The following GPR101 variants were observed in gnomAD, a reference collection of about 807,000 sequenced individuals.
GPR101 encodes the protein probable G protein-coupled receptor 101.
Under a neutral mutation model 16.4 loss-of-function variants are expected in GPR101, and 8 were observed. That is an observed-to-expected ratio of 0.49 (90% CI 0.29 to 0.88). The LOEUF (loss-of-function observed/expected upper bound fraction) is 0.88, where lower values mean the gene tolerates loss of function less well. Ranked by LOEUF, GPR101 falls within the 40% of genes least tolerant of loss-of-function variation. GPR101 has a pLI of 0.09. For missense variants in GPR101, 375 were observed against 411.7 expected (o/e 0.91, Z 0.77); for synonymous variants, 155 against 168.7 (o/e 0.92, Z 0.63).
intron 1 of GPR101, among the ~76,000 whole-genome samples, chrX:137,033,217 C>T (rs1305710282): frequency 9.1e-6 from 1 of 110,035 alleles, no homozygotes; most frequent in Non-Finnish European, 1.9e-5. Context: ...TTTGCTTTCT[C>T]CGGATCTGCT....
rs932763998 is a variant in GPR101 at position 137,024,740 on chromosome X, C to T, written c.*5408G>A. 9.0e-6 allele frequency among the ~76,000 whole-genome samples: 1 copy of T among 110,823 alleles called. No individual in the cohort carries two copies. Among genetic ancestry groups the T allele is most frequent in the Non-Finnish European group, 1.9e-5 (1 of 52,968 alleles). On this transcript the variant is annotated 3_prime_UTR_variant, in exon 2 of 2. Coordinates refer to ENST00000651716, the MANE Select transcript of GPR101 (RefSeq NM_054021.2). ...TCTATCTTGTCTCTCAGACAACCAA[C>T]CAAAGGGGGAAAAACAGAGCAGCCT... is the stretch of plus-strand genomic sequence containing the variant.
chrX:137,031,584 C>G lies in GPR101; in HGVS notation c.91G>C (p.Gly31Arg). The stretch of plus-strand genomic sequence containing the variant: ...ACCAGCACGGTTGAGCGGATGATGC[C>G]GTGGGCCAGGCTGATGGGCATTTTG... ...LSKMPISLAHGIIRSTVLVIF... is the reference protein window; with the variant it reads ...LSKMPISLAHRIIRSTVLVIF... Residue 31 changes from glycine (G) to arginine (R), a missense_variant, in exon 2 of 2, where the codon GGC becomes CGC. Physicochemically the swap from Gly to Arg is moderately radical, Grantham distance 125 (BLOSUM62 -2). Transcript: ENST00000651716. 1 of 1,210,899 alleles carries G rather than the reference C, an allele frequency of 8.3e-7. No homozygotes were observed. Among genetic ancestry groups the G allele is most frequent in the Non-Finnish European group, 1.1e-6 (1 of 895,052 alleles).
chrX:137,033,398 CAGAG>C (rs1178446717), intron 1 of GPR101, among the ~76,000 whole-genome samples: 2 of 108,172 alleles, frequency 1.8e-5, no homozygotes, highest in East Asian at 2.9e-4. Flanking sequence ...TACAGAGAGA[CAGAG>C]AGAATGTGAG....
chrX:137,027,277 C>A lies in GPR101; in HGVS notation c.*2871G>T, dbSNP rs930378549. On this transcript the variant is annotated 3_prime_UTR_variant, in exon 2 of 2. Coordinates refer to ENST00000651716, the MANE Select transcript of GPR101 (RefSeq NM_054021.2). ...TCATTTCATAGTCTGGTTTGTCTGG[C>A]CCCTGTACTTTAATGGGATTTTTTT... Among the ~76,000 whole-genome samples, 21 of 96,232 alleles carry A rather than the reference C, an allele frequency of 2.2e-4. No homozygotes were observed. Among genetic ancestry groups the A allele is most frequent in the Non-Finnish European group, 4.1e-4 (20 of 49,265 alleles). 83.6% of individuals were successfully genotyped at this position (96,232 alleles called of 115,157 possible).
Position 137,024,889 on chromosome X carries a change from G to A in GPR101, c.*5259C>T, listed in dbSNP as rs1410547136. 8.9e-6 allele frequency among the ~76,000 whole-genome samples: 1 copy of A among 111,936 alleles called. No homozygotes were observed. Among genetic ancestry groups the A allele is most frequent in the African/African-American group, 3.3e-5 (1 of 30,747 alleles). ...GTCTTCAGGGTGCAGTATTCTTTTC[G>A]TCCTGCTAACTGGACTCTACTTGCC... On this transcript the variant is annotated 3_prime_UTR_variant, in exon 2 of 2. Coordinates refer to ENST00000651716, the MANE Select transcript of GPR101 (RefSeq NM_054021.2).
In GPR101 at chrX:137,031,303, CACG is replaced by C; in HGVS notation, c.369_371del (p.Val125del). On this transcript the variant is annotated inframe_deletion, in exon 2 of 2. Coordinates refer to ENST00000651716, the MANE Select transcript of GPR101 (RefSeq NM_054021.2). ...TGGACAAGTAGCGATCCACTGACAC[CACG>C]ACAATGGTGTTGACGCTGGCGAAGG... 3 of 1,209,142 alleles carry C rather than the reference CACG, an allele frequency of 2.5e-6. No individual in the cohort carries two copies. The highest frequency in any genetic ancestry group is 3.4e-6 in the Non-Finnish European group (3 of 894,288).
In GPR101 at chrX:137,031,259, T is replaced by C. The variant is rs761435944; in HGVS notation, c.416A>G (p.Tyr139Cys). 4.1e-6 allele frequency: 5 copies of C among 1,209,962 alleles called. No individual in the cohort carries two copies. The Admixed American group carries it at 1.1e-4, about 26-fold the overall frequency. ...GCGGCGCTGGGTCATCTTGGACGGG[T>C]AGGAGAGAGGGTGGATGATGGACAA... is the stretch of plus-strand genomic sequence containing the variant. ...RYLSIIHPLSYPSKMTQRRGY... is the reference protein window; with the variant it reads ...RYLSIIHPLSCPSKMTQRRGY... The change falls in exon 2 of 2, where the codon TAC becomes TGC. Residue 139 changes from tyrosine to cysteine, a missense_variant. Tyr to Cys is a radical substitution (Grantham distance 194). Transcript: ENST00000651716.
rs1407653855 is a variant in GPR101, at chrX:137,031,628, T to C, written c.47A>G (p.His16Arg). Residue 16 changes from histidine (H) to arginine (R), a missense_variant, in exon 2 of 2, where the codon CAC becomes CGC. Physicochemically the swap from His to Arg is conservative, Grantham distance 29 (BLOSUM62 0). Coordinates refer to ENST00000651716, the MANE Select transcript of GPR101 (RefSeq NM_054021.2). ...CATTTTGGAGAGGGGCATGCACGTG[T>C]GGCTGCTGTTACTCTCGCGCGTGCT... ...TNSTRESNSS[H>R]TCMPLSKMPI... The C allele has an allele frequency of 4.2e-6, 5 of 1,197,498 alleles. No individual in the cohort carries two copies. In the African/African-American group the frequency reaches 7.0e-5, roughly 17 times the overall value.
At chrX:137,033,145 C>T (rs1314807086) in intron 1 of GPR101, among the ~76,000 whole-genome samples, 1 of 110,582 alleles carries the variant, frequency 9.0e-6, no homozygotes, top group Non-Finnish European at 1.9e-5. Context: ...GAGAGGATGC[C>T]TATTGAGCTC....
chrX:137,025,564 A>G lies in GPR101; in HGVS notation c.*4584T>C, dbSNP rs906944858. Among the ~76,000 whole-genome samples, 1 of 112,645 alleles carries G rather than the reference A, an allele frequency of 8.9e-6. No individual in the cohort carries two copies. Among genetic ancestry groups the G allele is most frequent in the African/African-American group, 3.2e-5 (1 of 31,003 alleles). On this transcript the variant is annotated 3_prime_UTR_variant, in exon 2 of 2. Transcript: ENST00000651716. ...TTCTCTACATTTTAGAACAAGACAG[A>G]TAGAATAATTATTCCTCAGACATAG... is the stretch of plus-strand genomic sequence containing the variant.
At chrX:137,033,462 TGA>T (rs1386119122) in intron 1 of GPR101, among the ~76,000 whole-genome samples, 1 of 99,491 alleles carries the variant, frequency 1.0e-5, no homozygotes. Flanking sequence ...AGCGTGAGAG[TGA>T]GAGAGAATGA....
At position 137,025,556 on chromosome X, in the gene GPR101, C is replaced by G. The variant is rs374919280; in HGVS notation, c.*4592G>C. 8.9e-6 allele frequency among the ~76,000 whole-genome samples: 1 copy of G among 112,483 alleles called. No homozygotes were observed. The highest frequency in any genetic ancestry group is 1.9e-5 in the Non-Finnish European group (1 of 53,308). On this transcript the variant is annotated 3_prime_UTR_variant, in exon 2 of 2. Coordinates refer to ENST00000651716, the MANE Select transcript of GPR101 (RefSeq NM_054021.2). ...TCTTGTTTTTCTCTACATTTTAGAACAAGACAGATAGAATAATTATTCCTC... is the reference window on the plus strand; with the variant it reads ...TCTTGTTTTTCTCTACATTTTAGAAGAAGACAGATAGAATAATTATTCCTC...
chrX:137,031,758 G>T lies in GPR101; in HGVS notation c.-84C>A. On this transcript the variant is annotated 5_prime_UTR_variant, in exon 2 of 2. In the 5' UTR this introduces an upstream ATG that the reference lacks. Coordinates refer to ENST00000651716, the MANE Select transcript of GPR101 (RefSeq NM_054021.2). Reference sequence around the variant, plus strand: ...CAAAGGGGTGCACAGACCGCACTCAGTGCCTATGCTGGTGACAAAAGAAAC... The same window carrying T: ...CAAAGGGGTGCACAGACCGCACTCATTGCCTATGCTGGTGACAAAAGAAAC... 1 of 777,234 alleles carries T rather than the reference G, an allele frequency of 1.3e-6. No individual in the cohort carries two copies. The highest frequency in any genetic ancestry group is 3.5e-5 in the Admixed American group (1 of 28,202). The allele number at this position is 777,234 out of a possible 1,213,427, so 64.1% of individuals were successfully genotyped here. A position where few individuals can be genotyped will look rare whatever the true frequency, so the allele number is the denominator to read the frequency against.
chrX:137,033,158 C>T (rs1377222175), intron 1 of GPR101, among the ~76,000 whole-genome samples: 1 of 110,566 alleles, frequency 9.0e-6, no homozygotes, highest in African/African-American at 3.3e-5. Context: ...TTGAGCTCCC[C>T]TACCCTCACC....
At position 137,024,481 on chromosome X, in the gene GPR101, A is replaced by G. The variant is rs1210575921; in HGVS notation, c.*5667T>C. Among the ~76,000 whole-genome samples, 1 of 112,554 alleles carries G rather than the reference A, an allele frequency of 8.9e-6. No homozygotes were observed. Among genetic ancestry groups the G allele is most frequent in the Non-Finnish European group, 1.9e-5 (1 of 53,355 alleles). On this transcript the variant is annotated 3_prime_UTR_variant, in exon 2 of 2. Transcript: ENST00000651716. Reference sequence around the variant, plus strand: ...TACATTTTTCTGTTTTCAGTTTCAAAGCAGCTCACAAAATTTGGTATTAAA... The same window carrying G: ...TACATTTTTCTGTTTTCAGTTTCAAGGCAGCTCACAAAATTTGGTATTAAA...
rs1927202883 is a variant in GPR101, at chrX:137,028,673, T to C, written c.*1475A>G. On this transcript the variant is annotated 3_prime_UTR_variant, in exon 2 of 2. Coordinates refer to ENST00000651716, the MANE Select transcript of GPR101 (RefSeq NM_054021.2). ...ACTGTTTTTTTGGTTCCATGTTACT[T>C]GGTCACATACATACGGCCCATGCCC... is the stretch of plus-strand genomic sequence containing the variant. Among the ~76,000 whole-genome samples the C allele has an allele frequency of 8.9e-6, 1 of 112,347 alleles. No individual in the cohort carries two copies. The highest frequency in any genetic ancestry group is 3.2e-5 in the African/African-American group (1 of 30,976).
Position 137,031,360 on chromosome X carries a change from C to A in GPR101, c.315G>T (p.Thr105=). The A allele has an allele frequency of 2.5e-6, 3 of 1,196,162 alleles. No homozygotes were observed. Among genetic ancestry groups the A allele is most frequent in the Non-Finnish European group, 3.4e-6 (3 of 887,540 alleles). ...LFWPLNSHFC[T]ALVSLTHLFA... ...ACAGGTGGGTGAGGCTAACCAGGGC[C>A]GTGCAGAAGTGGCTGTTGAGGGGCC... The change falls in exon 2 of 2, where the codon ACG becomes ACT. Residue 105 remains threonine (T), a synonymous_variant. Coordinates refer to ENST00000651716, the MANE Select transcript of GPR101 (RefSeq NM_054021.2).
rs1329068592 is a variant in GPR101, at chrX:137,025,341, C to T, written c.*4807G>A. ...GGACAACACTATCTACAAACACAAT[C>T]TAATATCTAGCACCGTATCTCCAAG... On this transcript the variant is annotated 3_prime_UTR_variant, in exon 2 of 2. Transcript: ENST00000651716. Among the ~76,000 whole-genome samples the T allele has an allele frequency of 1.8e-5, 2 of 112,279 alleles. No homozygotes were observed. Among genetic ancestry groups the T allele is most frequent in the African/African-American group, 6.5e-5 (2 of 30,890 alleles).
rs1022500133 is a variant in GPR101 at position 137,026,865 on chromosome X, C to G, written c.*3283G>C. On this transcript the variant is annotated 3_prime_UTR_variant, in exon 2 of 2. Transcript: ENST00000651716. ...CTCTCCTTCCCTGCTTCCATAGGCC[C>G]CCAGGTCCCTGTGAATCTGTCAGCT... is the stretch of plus-strand genomic sequence containing the variant. Among the ~76,000 whole-genome samples the G allele has an allele frequency of 9.0e-6, 1 of 110,672 alleles. No individual in the cohort carries two copies. The highest frequency in any genetic ancestry group is 1.9e-5 in the Non-Finnish European group (1 of 52,957).
Sources: allele counts gnomAD v4.1 joint callset (sites outside exome capture counted in the v4.1 genomes callset), GRCh38; gene constraint gnomAD v4.1.1; transcripts MANE v1.5; gene names NCBI Gene and HGNC (gene_info 2026-07-23, HGNC 2026-07-21).